The following PIGU variants were observed in gnomAD, a reference collection of about 807,000 sequenced individuals.
PIGU encodes the protein GPI-anchor transamidase component PIGU.
PIGU carries 24 observed loss-of-function variants against 49.9 expected under a neutral mutation model. That is an observed-to-expected ratio of 0.48 (90% CI 0.35 to 0.68). The LOEUF is 0.68. PIGU is among the 30% of genes least tolerant of loss of function. The pLI is 0.01. For synonymous variants in PIGU, 220 were observed against 205.7 expected, an observed-to-expected ratio of 1.07 and a Z score of -0.59; for missense variants, 490 against 532.6, an observed-to-expected ratio of 0.92 and a Z score of 0.79.
intron 7 of PIGU, among the ~76,000 whole-genome samples, chr20:34,612,023 G>C (rs775251711): frequency 6.6e-6 from 1 of 152,114 alleles, no homozygotes; most frequent in Non-Finnish European, 1.5e-5. Context: ...ATACCCAAAG[G>C]ATTATAAAGC....
Position 34,560,930 on chromosome 20 carries a change from T to C in PIGU, c.1244A>G (p.Tyr415Cys), listed in dbSNP as rs145235171. The C allele has an allele frequency of 2.6e-4, 416 of 1,612,604 alleles. No individual in the cohort carries two copies. Among genetic ancestry groups the C allele is most frequent in the Middle Eastern group, 3.3e-4 (2 of 6,074 alleles). The change falls in exon 12 of 12, where the codon TAC (tyrosine) becomes TGC (cysteine). Residue 415 changes from tyrosine (Y) to cysteine (C), a missense_variant. By Grantham distance (194) the Tyr-to-Cys change is radical. Transcript: ENST00000217446. ...YFYAFLRREY[Y>C]LTHGLYLTAK... Reference sequence around the variant, plus strand: ...GGTCAAGTAGAGGCCATGTGTGAGGTAGTACTCCCGCCGCAGGAAGGCATA... The same window carrying C: ...GGTCAAGTAGAGGCCATGTGTGAGGCAGTACTCCCGCCGCAGGAAGGCATA...
At chr20:34,676,676 G>A (rs1987510758) in intron 1 of PIGU, among the ~76,000 whole-genome samples, 3 of 152,052 alleles carry the variant, frequency 2.0e-5, no homozygotes, top group East Asian at 1.9e-4. Context: ...ACACTCCTCG[G>A]CTCAGGACAC....
At chr20:34,615,027 C>T (rs865809535) in intron 7 of PIGU, among the ~76,000 whole-genome samples, 1 of 152,182 alleles carries the variant, frequency 6.6e-6, no homozygotes, top group Non-Finnish European at 1.5e-5. Context: ...TTAGAGAGCA[C>T]GCTCTGGCAT....
chr20:34,592,157 C>T (rs1404707944), intron 7 of PIGU, among the ~76,000 whole-genome samples: 4 of 147,100 alleles, frequency 2.7e-5, no homozygotes, highest in East Asian at 2.0e-4. Context: ...CCACTGCACT[C>T]GAGCCTGGGT....
At chr20:34,596,667 G>A (rs181813274) in intron 7 of PIGU, among the ~76,000 whole-genome samples, 1 of 151,894 alleles carries the variant, frequency 6.6e-6, no homozygotes, top group Admixed American at 6.6e-5. Context: ...GTTCTACAAG[G>A]CCAGTATAAA....
intron 2 of PIGU, among the ~76,000 whole-genome samples, chr20:34,646,004 A>C (rs1685810814): frequency 1.3e-5 from 2 of 152,136 alleles, no homozygotes; most frequent in South Asian, 4.1e-4. Flanking sequence ...TCCACAACAG[A>C]CCAAGATTGC....
intron 2 of PIGU, among the ~76,000 whole-genome samples, chr20:34,652,915 T>A (rs544161003): frequency 6.6e-6 from 1 of 152,032 alleles, no homozygotes; most frequent in African/African-American, 2.4e-5. Context: ...TTGAAAAAAA[T>A]TATGTGTTTT....
chr20:34,567,315 T>G (rs1032344289), intron 11 of PIGU, among the ~76,000 whole-genome samples: 2 of 152,204 alleles, frequency 1.3e-5, no homozygotes, highest in Non-Finnish European at 2.9e-5. Flanking sequence ...AACTCCACCC[T>G]CCAGCTCTGA....
In PIGU at chr20:34,588,574, C is replaced by T. The variant is rs1319244601; in HGVS notation, c.661G>A (p.Ala221Thr). The change falls in exon 8 of 12, where the codon GCC (alanine) becomes ACC (threonine). Residue 221 changes from alanine (A) to threonine (T), a missense_variant. By Grantham distance (58) the Ala-to-Thr change is moderately conservative. Transcript: ENST00000217446. ...QYIPVKMKSKAFWIFSWEYAM... is the reference protein window; with the variant it reads ...QYIPVKMKSKTFWIFSWEYAM... ...TACTCCCAAGAAAAGATCCAGAAGG[C>T]TTTGCTCTTCATTTTCACAGGTATG... 1 of 1,613,938 alleles carries T rather than the reference C, an allele frequency of 6.2e-7. No individual in the cohort carries two copies. Among genetic ancestry groups the T allele is most frequent in the African/African-American group, 1.3e-5 (1 of 74,920 alleles).
intron 6 of PIGU, among the ~76,000 whole-genome samples, chr20:34,626,326 G>C (rs1350881122): frequency 1.3e-5 from 2 of 149,498 alleles, no homozygotes; most frequent in Non-Finnish European, 3.0e-5. Flanking sequence ...TTTTGAGACG[G>C]AGCTCCGCTT....
At chr20:34,614,379 CT>C (rs2146739369) in intron 7 of PIGU, among the ~76,000 whole-genome samples, 1 of 152,118 alleles carries the variant, frequency 6.6e-6, no homozygotes, top group East Asian at 1.9e-4. Context: ...AAACCTAGCA[CT>C]TTGGGAGACC....
intron 1 of PIGU, among the ~76,000 whole-genome samples, chr20:34,674,697 T>C (rs1346486942): frequency 6.6e-6 from 1 of 151,604 alleles, no homozygotes; most frequent in Non-Finnish European, 1.5e-5. Flanking sequence ...GAGACCCAGA[T>C]GGGCGGATCA....
intron 11 of PIGU, among the ~76,000 whole-genome samples, chr20:34,572,171 T>C (rs2146696436): frequency 6.6e-6 from 1 of 152,234 alleles, no homozygotes; most frequent in South Asian, 2.1e-4. Context: ...GCTCTTCCAT[T>C]TTATTTATTT....
chr20:34,673,003 C>G (rs1361727639), intron 1 of PIGU, among the ~76,000 whole-genome samples: 1 of 152,028 alleles, frequency 6.6e-6, no homozygotes, highest in Admixed American at 6.6e-5. Context: ...GCCTGTCATC[C>G]CAGCACTTTG....
chr20:34,581,448 T>C, intron 10 of PIGU, 100 bp downstream of exon 10: 1 of 1,470,820 alleles, frequency 6.8e-7, no homozygotes, highest in Non-Finnish European at 9.2e-7. Flanking sequence ...GCTGCCAGCA[T>C]AACAGGTGCC....
chr20:34,668,621 T>C (rs550779556), intron 1 of PIGU, among the ~76,000 whole-genome samples: 37 of 150,064 alleles, frequency 2.5e-4, no homozygotes, highest in Middle Eastern at 3.5e-3. Flanking sequence ...TATAAGAAAT[T>C]AGCCAGGCGA....
Position 34,637,948 on chromosome 20 carries a change from T to C in PIGU, c.356A>G (p.Tyr119Cys). ...KQKLLLELDQ[Y>C]APDVAELIRT... ...GATGAGTTCGGCCACATCTGGGGCA[T>C]ACTGGTCCAGTTCTAGGAGGAGTTT... Residue 119 changes from tyrosine to cysteine, a missense_variant, in exon 5 of 12, where the codon TAT becomes TGT. Coordinates refer to ENST00000217446, the MANE Select transcript of PIGU (RefSeq NM_080476.5). The C allele has an allele frequency of 6.3e-7, 1 of 1,599,774 alleles. No individual in the cohort carries two copies. The highest frequency in any genetic ancestry group is 8.5e-7 in the Non-Finnish European group (1 of 1,175,330).
Position 34,616,030 on chromosome 20 carries a change from G to A in PIGU, c.627+12C>T. 1 of 1,601,066 alleles carries A rather than the reference G, an allele frequency of 6.2e-7. No individual in the cohort carries two copies. The highest frequency in any genetic ancestry group is 1.7e-5 in the Admixed American group (1 of 57,198). On this transcript the variant is annotated intron_variant, in intron 7 of 11. Coordinates refer to ENST00000217446, the MANE Select transcript of PIGU (RefSeq NM_080476.5). The stretch of plus-strand genomic sequence containing the variant: ...TCACTTGGGTGCTGGCTTCTGACCA[G>A]CAAGTGCTTACCTGGAGGAGATAGA...
At chr20:34,659,983 C>T (rs985959350) in intron 1 of PIGU, among the ~76,000 whole-genome samples, 5 of 150,496 alleles carry the variant, frequency 3.3e-5, no homozygotes, top group Non-Finnish European at 5.9e-5. Context: ...TGCTGACCTT[C>T]CCTCCACTAT....
Sources: allele counts gnomAD v4.1 joint callset (sites outside exome capture counted in the v4.1 genomes callset), GRCh38; gene constraint gnomAD v4.1.1; transcripts MANE v1.5; gene names NCBI Gene and HGNC (gene_info 2026-07-23, HGNC 2026-07-21).